Variants in UPF2 observed in about 807,000 individuals in gnomAD.
The protein encoded by UPF2 is UPF2 regulator of nonsense mediated mRNA decay.
In UPF2, 17 loss-of-function variants were observed where a neutral mutation model predicts 141.4. The ratio of observed to expected loss-of-function variants is 0.12; its 90% confidence interval spans 0.08 to 0.18. The LOEUF (loss-of-function observed/expected upper bound fraction) is 0.18. Among genes scored for constraint, UPF2 ranks in the 10% least tolerant of loss-of-function variants. The pLI is 1.00. For missense variants in UPF2, 1,152 were observed against 1,515.9 expected (o/e 0.76, Z 3.99); for synonymous variants, 540 against 498.0 (o/e 1.08, Z -1.12).
chr10:11,920,984 C>A lies in UPF2; in HGVS notation c.*314G>T, dbSNP rs535671321. 67 of 614,648 alleles carry A rather than the reference C, an allele frequency of 1.1e-4. 1 individual carries two copies. Among genetic ancestry groups the A allele is most frequent in the South Asian group, 9.0e-4 (65 of 72,012 alleles). 38.1% of individuals were successfully genotyped at this position (614,648 alleles called of 1,614,324 possible). On this transcript the variant is annotated 3_prime_UTR_variant, in exon 22 of 22. Coordinates refer to ENST00000357604, the MANE Select transcript of UPF2 (RefSeq NM_015542.4). ...CTCTGGCTCAATCATCTCCTTCACG[C>A]TCTCCTTGGTGTAACTGCTCAGTAG... is the stretch of plus-strand genomic sequence containing the variant.
At chr10:12,035,566 T>G (rs1351590427) in intron 1 of UPF2, 125 bp from the exon 2 acceptor site, 4 of 988,356 alleles carry the variant, frequency 4.0e-6, no homozygotes, top group Non-Finnish European at 5.6e-6. Context: ...TAAAGGCAGG[T>G]AAAATGAATA....
At position 11,980,381 on chromosome 10, in the gene UPF2, C is replaced by T. The variant is rs927636026; in HGVS notation, c.1845-1216G>A. On this transcript the variant is annotated intron_variant, in intron 8 of 21. Transcript: ENST00000357604. The surrounding 1 kb of genome is among the most constrained non-coding windows in gnomAD (Gnocchi z 4.2). ...GAGGAAGCTAAAAACTATAAAATTA[C>T]AAGAGCTTAAAAATTATGACAGCTT... 6.6e-6 allele frequency among the ~76,000 whole-genome samples: 1 copy of T among 152,166 alleles called. No individual in the cohort carries two copies. Among genetic ancestry groups the T allele is most frequent in the Non-Finnish European group, 1.5e-5 (1 of 68,034 alleles).
At chr10:12,038,356 G>A (rs1229061404) in intron 1 of UPF2, among the ~76,000 whole-genome samples, 1 of 144,138 alleles carries the variant, frequency 6.9e-6, no homozygotes, top group Non-Finnish European at 1.5e-5. Flanking sequence ...CTCCAGCATG[G>A]GCGACAGAGT....
intron 10 of UPF2, among the ~76,000 whole-genome samples, chr10:11,964,717 C>T (rs982145034): frequency 1.3e-5 from 2 of 152,106 alleles, no homozygotes; most frequent in Non-Finnish European, 1.5e-5. Flanking sequence ...ATAATATGAA[C>T]GAGATTAAAA....
chr10:11,967,980 G>C (rs1211014660), intron 9 of UPF2, among the ~76,000 whole-genome samples: 1 of 152,184 alleles, frequency 6.6e-6, no homozygotes, highest in Non-Finnish European at 1.5e-5. Flanking sequence ...AGGAGTTCGA[G>C]ACTGCCTGGC....
intron 11 of UPF2, among the ~76,000 whole-genome samples, chr10:11,960,895 C>T (rs377252580): frequency 2.0e-5 from 3 of 151,958 alleles, no homozygotes; most frequent in African/African-American, 7.2e-5. Flanking sequence ...AGTTCGAGAG[C>T]AGTCCTAGCA....
Position 11,948,521 on chromosome 10 carries a change from A to C in UPF2, c.3035-13T>G. 6.2e-7 allele frequency: 1 copy of C among 1,609,552 alleles called. No individual in the cohort carries two copies. On this transcript the variant is annotated splice_polypyrimidine_tract_variant and intron_variant, in intron 15 of 21. Transcript: ENST00000357604. ...TCATTTACTAGGCCTTGAAATGAGA[A>C]GGTGGAAATGGAAAAATACATTAAA...
At chr10:11,947,377 C>A (rs1370846937) in intron 16 of UPF2, among the ~76,000 whole-genome samples, 1 of 152,062 alleles carries the variant, frequency 6.6e-6, no homozygotes, top group Admixed American at 6.6e-5. Flanking sequence ...TTTCATATAA[C>A]CATGAGATCT....
intron 19 of UPF2, among the ~76,000 whole-genome samples, chr10:11,932,192 T>G (rs1416308292): frequency 6.6e-6 from 1 of 152,018 alleles, no homozygotes; most frequent in East Asian, 1.9e-4. Flanking sequence ...TTAATCATCA[T>G]GAACTGGAAG....
chr10:12,010,881 G>A (rs145617371), intron 4 of UPF2, among the ~76,000 whole-genome samples: 44 of 152,080 alleles, frequency 2.9e-4, no homozygotes, highest in Non-Finnish European at 5.6e-4. Flanking sequence ...CAGAAAGGTA[G>A]GAGCATTCTT....
At chr10:11,944,220 G>A (rs774344046) in intron 16 of UPF2, among the ~76,000 whole-genome samples, 7 of 152,278 alleles carry the variant, frequency 4.6e-5, no homozygotes, top group African/African-American at 9.6e-5. Context: ...ACCAATGGTC[G>A]GCGCCATGGC....
intron 1 of UPF2, among the ~76,000 whole-genome samples, chr10:12,040,800 G>A (rs1302751923): frequency 1.3e-5 from 2 of 152,148 alleles, no homozygotes; most frequent in Non-Finnish European, 2.9e-5. Flanking sequence ...CTATCTTGTA[G>A]AGTTCTTAAA....
rs563221767 is a variant in UPF2, at chr10:11,990,165, G to T, written c.1844+7507C>A. Among the ~76,000 whole-genome samples, 85 of 152,178 alleles carry T rather than the reference G, an allele frequency of 5.6e-4. 1 individual carries two copies. Among genetic ancestry groups the T allele is most frequent in the Non-Finnish European group, 9.7e-4 (66 of 68,038 alleles). On this transcript the variant is annotated intron_variant, in intron 8 of 21. Coordinates refer to ENST00000357604, the MANE Select transcript of UPF2 (RefSeq NM_015542.4). ...CAAATGAAAAGAAAAGGGAAAGCTG[G>T]CCCAAACAGGGCAGATCTTCAAATA...
At chr10:11,957,647 G>A (rs1193714758) in intron 12 of UPF2, among the ~76,000 whole-genome samples, 1 of 151,886 alleles carries the variant, frequency 6.6e-6, no homozygotes, top group Non-Finnish European at 1.5e-5. Flanking sequence ...CTCCCAAGTA[G>A]CTGGGATTAC....
chr10:11,967,853 C>G (rs958393000), intron 9 of UPF2, among the ~76,000 whole-genome samples: 1 of 152,144 alleles, frequency 6.6e-6, no homozygotes, highest in African/African-American at 2.4e-5. Context: ...CCGTGCCCAG[C>G]CCACTCCAGA....
chr10:11,969,159 G>A (rs1213143071), intron 9 of UPF2, among the ~76,000 whole-genome samples: 1 of 151,248 alleles, frequency 6.6e-6, no homozygotes, highest in Admixed American at 6.6e-5. Flanking sequence ...ACCACAATCA[G>A]CCTAGAACTT....
intron 5 of UPF2, among the ~76,000 whole-genome samples, chr10:12,002,203 G>A (rs1443544790): frequency 6.6e-6 from 1 of 152,124 alleles, no homozygotes; most frequent in African/African-American, 2.4e-5. Context: ...CCCAGGAGGT[G>A]GAGACTGCAG....
rs1028342904 is a variant in UPF2 at position 12,014,527 on chromosome 10, C to A, written c.1146-343G>T. On this transcript the variant is annotated intron_variant, in intron 3 of 21. Coordinates refer to ENST00000357604, the MANE Select transcript of UPF2 (RefSeq NM_015542.4). This position sits in a 1 kb window ranked among gnomAD's most constrained non-coding sequence, Gnocchi z 5.0. ...GTTAACCAAAACTAGCACAACTACA[C>A]AAGCCAATTTTCAAAAGAAACAGGT... 1.3e-5 allele frequency among the ~76,000 whole-genome samples: 2 copies of A among 152,158 alleles called. No homozygotes were observed. The highest frequency in any genetic ancestry group is 4.8e-5 in the African/African-American group (2 of 41,424).
In UPF2 at chr10:11,928,582, G is replaced by A. The variant is rs1275186745; in HGVS notation, c.3809+1283C>T. ...AAATTAGCCGGGCCTGGTGGCGGGC[G>A]CCTGTGGTCCCAGCTACTCGGGAGG... On this transcript the variant is annotated intron_variant, in intron 21 of 21. Coordinates refer to ENST00000357604, the MANE Select transcript of UPF2 (RefSeq NM_015542.4). 5.4e-5 allele frequency: 9 copies of A among 166,084 alleles called. No homozygotes were observed. In the South Asian group the frequency reaches 6.0e-4, roughly 11 times the overall value. 10.3% of individuals were successfully genotyped at this position (166,084 alleles called of 1,614,324 possible).
Sources: allele counts gnomAD v4.1 joint callset (sites outside exome capture counted in the v4.1 genomes callset), GRCh38; gene constraint gnomAD v4.1.1; non-coding constraint Gnocchi (gnomAD v3.1); transcripts MANE v1.5; gene names NCBI Gene and HGNC (gene_info 2026-07-23, HGNC 2026-07-21).